Variants in ZNF814 observed in about 807,000 individuals in gnomAD.
The protein encoded by ZNF814 is zinc finger protein 814.
Under a neutral mutation model 7.5 loss-of-function variants are expected in ZNF814, and 5 were observed. The observed-to-expected ratio is 0.67, with a 90% CI of 0.35 to 1.40. The LOEUF (loss-of-function observed/expected upper bound fraction) is 1.40. Among genes scored for constraint, ZNF814 ranks in the 40% most tolerant of loss-of-function variants. The pLI, the probability that ZNF814 is intolerant of heterozygous loss-of-function variation, is 0.04. For synonymous variants in ZNF814, 315 were observed against 340.7 expected, an observed-to-expected ratio of 0.92 and a Z score of 0.83; for missense variants, 962 against 1,018.0, an observed-to-expected ratio of 0.94 and a Z score of 0.75.
rs1168638054 is a variant in ZNF814 at position 57,888,769 on chromosome 19, G to A, written c.34C>T (p.Gln12Ter). 2 of 1,553,252 alleles carry A rather than the reference G, an allele frequency of 1.3e-6. No individual in the cohort carries two copies. Among genetic ancestry groups the A allele is most frequent in the Non-Finnish European group, 8.7e-7 (1 of 1,147,906 alleles). ...GACACAGAAGGCCCCACAATTACCT[G>A]AGCGGAGAGCCTCAGCGTAGCCGCG... Reference protein sequence around the residue: ...AAAATLRLSAQGTVTFEDVAV... With the variant: ...AAAATLRLSA The change falls in exon 1 of 3, where the codon CAG becomes TAG. Residue 12 changes from glutamine to a stop codon, truncating the protein, a stop_gained and splice_region_variant. Transcript: ENST00000435989. LOFTEE classifies it high-confidence loss of function.
chr19:57,899,270 T>C, the ZNF814 span, among the ~76,000 whole-genome samples: 16 of 152,208 alleles, frequency 1.1e-4, no homozygotes, highest in African/African-American at 3.9e-4. Flanking sequence ...TAGAGAACAA[T>C]TTAAAAAATG....
In ZNF814 at chr19:57,874,924, A is replaced by T; in HGVS notation, c.466T>A (p.Leu156Met). ...KPYRGSVEEALFAKRCKLHVS... is the reference protein window; with the variant it reads ...KPYRGSVEEAMFAKRCKLHVS... ...TGCAACTTACACCTCTTTGCAAACA[A>T]CGCCTCCTCAACACTCCCTCTGTAG... Residue 156 changes from leucine to methionine, a missense_variant, in exon 3 of 3, where the codon TTG becomes ATG. Transcript: ENST00000435989. The T allele has an allele frequency of 1.2e-6, 2 of 1,613,046 alleles. No homozygotes were observed. The highest frequency in any genetic ancestry group is 1.7e-6 in the Non-Finnish European group (2 of 1,179,102).
the ZNF814 span, among the ~76,000 whole-genome samples, chr19:57,895,725 T>C: frequency 7.2e-5 from 11 of 152,268 alleles, no homozygotes; most frequent in East Asian, 2.1e-3. Context: ...CTGCAGCCTA[T>C]TTCCTTTGGG....
rs968568916 is a variant in ZNF814 at position 57,880,617 on chromosome 19, T to C, written c.37-3575A>G. Among the ~76,000 whole-genome samples the C allele has an allele frequency of 4.3e-5, 5 of 117,406 alleles. No individual in the cohort carries two copies. The East Asian group carries it at 8.0e-4, about 19-fold the overall frequency. The allele number at this position is 117,406 out of a possible 152,430, so 77.0% of individuals were successfully genotyped here. ...AACAGAACACCTTTTTTTTTTCTTT[T>C]TTTTTTTAAGAGAGAGTCTCGCTCT... On this transcript the variant is annotated intron_variant, in intron 1 of 2. Coordinates refer to ENST00000435989, the MANE Select transcript of ZNF814 (RefSeq NM_001144989.2).
At position 57,869,560 on chromosome 19, in the gene ZNF814, A is replaced by G. The variant is rs1238491263; in HGVS notation, c.*3262T>C. 9.2e-5 allele frequency: 14 copies of G among 152,170 alleles called. No homozygotes were observed. The highest frequency in any genetic ancestry group is 1.8e-4 in the Non-Finnish European group (12 of 68,032). 9.4% of individuals were successfully genotyped at this position (152,170 alleles called of 1,614,324 possible). A position where few individuals can be genotyped will look rare whatever the true frequency, so the allele number is the denominator to read the frequency against. On this transcript the variant is annotated 3_prime_UTR_variant, in exon 3 of 3. Coordinates refer to ENST00000435989, the MANE Select transcript of ZNF814 (RefSeq NM_001144989.2). The stretch of plus-strand genomic sequence containing the variant: ...TTATTGTGACTATGTTAATGGTTTC[A>G]TGGGATTATATGAAACTCAAGATTT...
chr19:57,871,050 A>G lies in ZNF814; in HGVS notation c.*1772T>C, dbSNP rs1322458462. 2 of 152,196 alleles carry G rather than the reference A, an allele frequency of 1.3e-5. No homozygotes were observed. The highest frequency in any genetic ancestry group is 2.9e-5 in the Non-Finnish European group (2 of 68,034). 9.4% of individuals were successfully genotyped at this position (152,196 alleles called of 1,614,324 possible). On this transcript the variant is annotated 3_prime_UTR_variant, in exon 3 of 3. Transcript: ENST00000435989. ...CATTATTCTGTCTCCTCCACTGCCTATAAATAAAGTAATTCTATAAAATTA... is the reference window on the plus strand; with the variant it reads ...CATTATTCTGTCTCCTCCACTGCCTGTAAATAAAGTAATTCTATAAAATTA...
At chr19:57,889,466 G>A (rs533512727), upstream of ZNF814, among the ~76,000 whole-genome samples, 1 of 152,332 alleles carries the variant, frequency 6.6e-6, no homozygotes, top group South Asian at 2.1e-4. Context: ...TAGGGAGCCT[G>A]AGGAGGGAGA....
chr19:57,888,830 G>A lies in ZNF814; in HGVS notation c.-28C>T, dbSNP rs74374013. 3.1e-5 allele frequency: 48 copies of A among 1,551,566 alleles called. 1 individual carries two copies. The African/African-American group carries it at 6.2e-4, about 20-fold the overall frequency. ...AACCACGTGGTTTTAAGCAGAGTCG[G>A]GAGGATAGGGCGACCAGCCAGGAGA... On this transcript the variant is annotated 5_prime_UTR_variant, in exon 1 of 3. Transcript: ENST00000435989.
the ZNF814 span, among the ~76,000 whole-genome samples, chr19:57,898,436 C>T: frequency 4.6e-5 from 7 of 152,186 alleles, no homozygotes; most frequent in Non-Finnish European, 8.8e-5. Context: ...GCGAACAGAT[C>T]GAACCGCATT....
Position 57,888,747 on chromosome 19 carries a change from A to C in ZNF814, c.36+20T>G. 6.4e-7 allele frequency: 1 copy of C among 1,553,880 alleles called. No individual in the cohort carries two copies. The highest frequency in any genetic ancestry group is 1.4e-5 in the African/African-American group (1 of 73,218). On this transcript the variant is annotated intron_variant, in intron 1 of 2. Coordinates refer to ENST00000435989, the MANE Select transcript of ZNF814 (RefSeq NM_001144989.2). ...GGTGACGATGAGGTGACCTGAGGAC[A>C]CAGAAGGCCCCACAATTACCTGAGC... is the stretch of plus-strand genomic sequence containing the variant.
At position 57,869,435 on chromosome 19, in the gene ZNF814, A is replaced by G. The variant is rs1385330467; in HGVS notation, c.*3387T>C. ...TCATCTAACATTCCAGAAAATGGAA[A>G]GTACTCTACTGTACAGCAAAGTAAA... On this transcript the variant is annotated 3_prime_UTR_variant, in exon 3 of 3. Coordinates refer to ENST00000435989, the MANE Select transcript of ZNF814 (RefSeq NM_001144989.2). 2.0e-5 allele frequency: 3 copies of G among 152,266 alleles called. No individual in the cohort carries two copies. The highest frequency in any genetic ancestry group is 4.8e-5 in the African/African-American group (2 of 41,554). The allele number at this position is 152,266 out of a possible 1,614,324, so 9.4% of individuals were successfully genotyped here.
chr19:57,881,529 G>A (rs1373835112), intron 1 of ZNF814, among the ~76,000 whole-genome samples: 14 of 110,112 alleles, frequency 1.3e-4, no homozygotes, highest in East Asian at 3.1e-4. Flanking sequence ...CCTTCCACTC[G>A]AGGAGAGGAG....
At chr19:57,883,154 C>G (rs1048859525) in intron 1 of ZNF814, among the ~76,000 whole-genome samples, 1 of 151,734 alleles carries the variant, frequency 6.6e-6, no homozygotes, top group South Asian at 2.1e-4. Flanking sequence ...TTCAGGAGAT[C>G]GAGACCATCC....
the ZNF814 span, among the ~76,000 whole-genome samples, chr19:57,898,834 G>A: frequency 7.2e-4 from 110 of 152,160 alleles, no homozygotes; most frequent in African/African-American, 2.6e-3. Context: ...CCAGCTGCTG[G>A]GGAGGCTGAG....
chr19:57,872,886 T>A lies in ZNF814; in HGVS notation c.2504A>T (p.Lys835Ile). 6.2e-7 allele frequency: 1 copy of A among 1,612,888 alleles called. No homozygotes were observed. Among genetic ancestry groups the A allele is most frequent in the East Asian group, 2.2e-5 (1 of 44,756 alleles). Residue 835 changes from lysine (K) to isoleucine (I), a missense_variant, in exon 3 of 3, where the codon AAA becomes ATA. Around this residue, in one of 7 missense-constraint regions of ZNF814, gnomAD observed 665 missense variants for 551.4 expected, o/e 1.21. Transcript: ENST00000435989. Reference sequence around the variant, plus strand: ...GAGGTGAGACTTCTTGTTAAATAATTTCCCACATTTCTCACATTTATAAGG... The same window carrying A: ...GAGGTGAGACTTCTTGTTAAATAATATCCCACATTTCTCACATTTATAAGG... ...EKPYKCEKCG[K>I]LFNKKSHLLV...
In ZNF814 at chr19:57,873,041, T is replaced by G. The variant is rs1330692034; in HGVS notation, c.2349A>C (p.Glu783Asp). ...TTTTGTGTTTTGTGAAACTGGAGCT[T>G]TCAGCGAAAGATTTTCCACATTCAC... ...ECSECGKSFA[E>D]SSSFTKHKRV... is the part of the protein sequence containing the mutation. Residue 783 changes from glutamate (E) to aspartate (D), a missense_variant, in exon 3 of 3, where the codon GAA becomes GAC. Transcript: ENST00000435989. 1.4e-5 allele frequency: 22 copies of G among 1,613,388 alleles called. No individual in the cohort carries two copies. Among genetic ancestry groups the G allele is most frequent in the Non-Finnish European group, 1.9e-5 (22 of 1,179,768 alleles).
Position 57,874,190 on chromosome 19 carries a change from T to G in ZNF814, c.1200A>C (p.Arg400Ser), listed in dbSNP as rs577594898. The G allele has an allele frequency of 1.2e-5, 19 of 1,580,150 alleles. No homozygotes were observed. The African/African-American group carries it at 2.2e-4, about 18-fold the overall frequency. The change falls in exon 3 of 3, where the codon AGA (arginine) becomes AGC (serine). Residue 400 changes from arginine to serine, a missense_variant. Physicochemically the swap from Arg to Ser is moderately radical, Grantham distance 110. Transcript: ENST00000435989. ...SKYASFSNHQ[R>S]VHTDKKHYEC... ...CATAATGTTTTTTGTCAGTGTGAAC[T>G]CTCTGATGATTACTGAAGCTAGCAT...
chr19:57,886,401 C>T (rs1043882563), intron 1 of ZNF814, among the ~76,000 whole-genome samples: 1 of 152,152 alleles, frequency 6.6e-6, no homozygotes, highest in African/African-American at 2.4e-5. Context: ...CCCCACGGTG[C>T]TCATCACTTC....
rs1465744857 is a variant in ZNF814 at position 57,873,142 on chromosome 19, C to A, written c.2248G>T (p.Gly750Ter). The A allele has an allele frequency of 6.2e-7, 1 of 1,613,676 alleles. No homozygotes were observed. Among genetic ancestry groups the A allele is most frequent in the East Asian group, 2.2e-5 (1 of 44,848 alleles). ...GTAGAGCTGTGGGTAAATGATTTTC[C>A]ACAATCATTGCATTCATAAGGCCTT... ...GERPYECNDC[G>*]KSFTHSSTFC... Residue 750 changes from glycine to a stop codon, truncating the protein, a stop_gained, in exon 3 of 3, where the codon GGA (glycine) becomes TGA (stop). Coordinates refer to ENST00000435989, the MANE Select transcript of ZNF814 (RefSeq NM_001144989.2). LOFTEE classifies it low-confidence loss of function (END_TRUNC).
Sources: allele counts gnomAD v4.1 joint callset (sites outside exome capture counted in the v4.1 genomes callset), GRCh38; gene constraint gnomAD v4.1.1; regional missense constraint gnomAD v4.1.1; transcripts MANE v1.5; gene names NCBI Gene and HGNC (gene_info 2026-07-23, HGNC 2026-07-21).